The following TRAIP variants were observed in gnomAD, a reference collection of about 807,000 sequenced individuals.
TRAIP encodes E3 ubiquitin-protein ligase TRAIP.
Under a neutral mutation model 65.0 loss-of-function variants are expected in TRAIP, and 37 were observed. That is an observed-to-expected ratio of 0.57 (90% CI 0.44 to 0.75). The LOEUF is 0.75. Among genes scored for constraint, TRAIP ranks in the 30% least tolerant of loss-of-function variants. TRAIP has a pLI of 0.00. For missense variants in TRAIP, 481 were observed against 579.4 expected, an observed-to-expected ratio of 0.83 and a Z score of 1.74; for synonymous variants, 187 against 219.1, an observed-to-expected ratio of 0.85 and a Z score of 1.29.
At chr3:49,839,881 T>C in intron 9 of TRAIP, 21 bp from the exon 10 acceptor site, 11 of 1,612,410 alleles carry the variant, frequency 6.8e-6, no homozygotes, top group East Asian at 2.2e-5. Flanking sequence ...GAAAGAAAAG[T>C]GTGTGAGAGA....
chr3:49,844,676 A>C, intron 3 of TRAIP, 96 bp from the exon 4 acceptor site: 2 of 1,418,670 alleles, frequency 1.4e-6, no homozygotes, highest in Non-Finnish European at 2.0e-6. Flanking sequence ...GGATTGAACA[A>C]TGAGGCCTTC....
intron 10 of TRAIP, among the ~76,000 whole-genome samples, chr3:49,837,610 GTCTC>G (rs2081800254): frequency 6.6e-6 from 1 of 152,056 alleles, no homozygotes; most frequent in Non-Finnish European, 1.5e-5. Context: ...TTGAGACGGA[GTCTC>G]TCTGTCACCC....
intron 10 of TRAIP, among the ~76,000 whole-genome samples, chr3:49,832,785 A>G (rs1215161532): frequency 2.8e-5 from 4 of 144,502 alleles, no homozygotes; most frequent in Admixed American, 7.4e-5. Flanking sequence ...GCCCACCCAG[A>G]CCTGGCAGGG....
At chr3:49,829,954 A>C in intron 12 of TRAIP, 66 bp downstream of exon 12, 2 of 1,604,880 alleles carry the variant, frequency 1.2e-6, no homozygotes, top group Non-Finnish European at 1.7e-6. Context: ...CTCTGGCAAG[A>C]CCGTGCCCTC....
intron 5 of TRAIP, among the ~76,000 whole-genome samples, chr3:49,842,949 G>A (rs1442323024): frequency 6.6e-6 from 1 of 152,154 alleles, no homozygotes; most frequent in Non-Finnish European, 1.5e-5. Context: ...ATGGACAGTT[G>A]CCAAGAATGA....
At chr3:49,840,184 A>T in intron 9 of TRAIP, 100 bp downstream of exon 9, 1 of 1,123,706 alleles carries the variant, frequency 8.9e-7, no homozygotes, top group Non-Finnish European at 1.3e-6. Context: ...CAGAACCACC[A>T]CTGACTGGTG....
At chr3:49,852,512 T>C (rs1024048017) in intron 1 of TRAIP, among the ~76,000 whole-genome samples, 2 of 151,906 alleles carry the variant, frequency 1.3e-5, no homozygotes, top group African/African-American at 4.8e-5. Context: ...TCCCAGCACT[T>C]TGGGAGGCCG....
chr3:49,840,432 C>A, intron 8 of TRAIP, 59 bp from the exon 9 acceptor site: 2 of 1,380,638 alleles, frequency 1.4e-6, no homozygotes, highest in Non-Finnish European at 2.1e-6. Flanking sequence ...GCCCTGCCCC[C>A]TCCTGCTGCT....
At chr3:49,849,840 C>CTTTTTTTT (rs1185587392) in intron 1 of TRAIP, among the ~76,000 whole-genome samples, 25 of 89,868 alleles carry the variant, frequency 2.8e-4, no homozygotes, top group East Asian at 3.5e-4. Context: ...CTTTTCTTTT[C>CTTTTTTTT]TTTTTTTTTT....
At chr3:49,849,840 C>CTTTTTTTTTTTTT (rs1185587392) in intron 1 of TRAIP, among the ~76,000 whole-genome samples, 2 of 89,868 alleles carry the variant, frequency 2.2e-5, no homozygotes, top group Non-Finnish European at 4.1e-5. Flanking sequence ...CTTTTCTTTT[C>CTTTTTTTTTTTTT]TTTTTTTTTT....
intron 1 of TRAIP, among the ~76,000 whole-genome samples, chr3:49,856,035 C>T (rs2081966500): frequency 1.3e-5 from 2 of 152,204 alleles, no homozygotes; most frequent in Non-Finnish European, 2.9e-5. Context: ...AATAAAAGGA[C>T]TTGTTGATGT....
In TRAIP at chr3:49,830,117, G is replaced by A. The variant is rs200270077; in HGVS notation, c.1038-49C>T. The stretch of plus-strand genomic sequence containing the variant: ...AGGGGTAGGTAAGCAAGACATGGGG[G>A]CAGGTGAACCAGGCTCAGCACACGC... On this transcript the variant is annotated intron_variant, in intron 11 of 14. Transcript: ENST00000331456. The A allele has an allele frequency of 2.5e-6, 4 of 1,600,218 alleles. No homozygotes were observed. In the East Asian group the frequency reaches 8.9e-5, roughly 36 times the overall value.
chr3:49,834,617 C>A (rs755379602), intron 10 of TRAIP, among the ~76,000 whole-genome samples: 2 of 152,164 alleles, frequency 1.3e-5, no homozygotes, highest in Non-Finnish European at 2.9e-5. Context: ...TGTACAATGA[C>A]CTAGGGCAGC....
rs2081713677 is a variant in TRAIP at position 49,829,523 on chromosome 3, A to G, written c.1237-15T>C. On this transcript the variant is annotated splice_polypyrimidine_tract_variant and intron_variant, in intron 13 of 14. Coordinates refer to ENST00000331456, the MANE Select transcript of TRAIP (RefSeq NM_005879.3). Reference sequence around the variant, plus strand: ...CCTGTCCTTACCTAGGGTGGAAGGAAGAGATGAGTGGGCCAGGCTAATGGG... The same window carrying G: ...CCTGTCCTTACCTAGGGTGGAAGGAGGAGATGAGTGGGCCAGGCTAATGGG... The G allele has an allele frequency of 1.9e-6, 3 of 1,614,006 alleles. No homozygotes were observed. The highest frequency in any genetic ancestry group is 3.3e-5 in the Admixed American group (2 of 59,984).
chr3:49,831,391 C>T (rs1236382756), intron 11 of TRAIP, among the ~76,000 whole-genome samples: 1 of 152,252 alleles, frequency 6.6e-6, no homozygotes, highest in African/African-American at 2.4e-5. Flanking sequence ...GAGACAGCCT[C>T]CCTTTTTCTG....
At chr3:49,843,627 T>C in intron 5 of TRAIP, 174 bp downstream of exon 5, 1 of 796,870 alleles carries the variant, frequency 1.3e-6, no homozygotes, top group South Asian at 2.1e-5. Context: ...TCTTATGGGA[T>C]GGATGGGTAC....
chr3:49,843,504 G>T (rs968174833), intron 5 of TRAIP: 10 of 294,036 alleles, frequency 3.4e-5, no homozygotes, highest in Non-Finnish European at 4.5e-5. Context: ...CGGAAATATG[G>T]CCCAGCCTCA....
At chr3:49,850,560 A>G (rs1292029963) in intron 1 of TRAIP, among the ~76,000 whole-genome samples, 1 of 150,912 alleles carries the variant, frequency 6.6e-6, no homozygotes, top group Non-Finnish European at 1.5e-5. Flanking sequence ...TAGCTATCTT[A>G]ATATGGGGAG....
chr3:49,839,142 T>C (rs1302710724), intron 10 of TRAIP, among the ~76,000 whole-genome samples: 2 of 149,834 alleles, frequency 1.3e-5, no homozygotes, highest in Non-Finnish European at 3.0e-5. Context: ...TGAGCCGAGA[T>C]AGTGCCACTG....
Sources: gnomAD v4.1 joint callset for allele counts (sites outside exome capture counted in the v4.1 genomes callset) on GRCh38, gnomAD v4.1.1 for gene constraint, MANE v1.5 for transcripts, NCBI Gene and HGNC (gene_info 2026-07-23, HGNC 2026-07-21) for gene names.